RP1: variants seen among roughly 807,000 people sequenced by gnomAD.
The protein encoded by RP1 is RP1 axonemal microtubule associated, also known as oxygen-regulated protein 1.
RP1 carries 16 observed loss-of-function variants against 14.8 expected under a neutral mutation model. The observed-to-expected ratio is 1.08, with a 90% CI of 0.73 to 1.65. The LOEUF is 1.65. Ranked by LOEUF, RP1 falls within the 40% of genes most tolerant of loss-of-function variation. The pLI, the probability that RP1 is intolerant of heterozygous loss-of-function variation, is 0.00. For missense variants in RP1, 2,631 were observed against 2,535.0 expected (o/e 1.04, Z -0.81); for synonymous variants, 876 against 883.6 (o/e 0.99, Z 0.15).
intron 1 of RP1, among the ~76,000 whole-genome samples, chr8:54,607,483 CG>C (rs1805480441): frequency 6.6e-6 from 1 of 152,152 alleles, no homozygotes; most frequent in Admixed American, 6.5e-5. Context: ...TTAGGCTACT[CG>C]GGGGTCAGGG....
intron 24 of RP1, among the ~76,000 whole-genome samples, chr8:54,815,684 A>C (rs554457175): frequency 6.6e-5 from 10 of 152,152 alleles, no homozygotes; most frequent in African/African-American, 1.9e-4. Flanking sequence ...CAAAAACAGA[A>C]GTGTGTGTGT....
At chr8:54,652,789 G>A (rs1463275362) in exon 5 of RP1, 19 of 1,535,166 alleles carry the variant, frequency 1.2e-5, no homozygotes, top group South Asian at 2.4e-5. Flanking sequence ...GATAACAGTT[G>A]GAGACATTGG....
chr8:54,826,812 C>A (rs1563388442), intron 24 of RP1, among the ~76,000 whole-genome samples: 1 of 152,120 alleles, frequency 6.6e-6, no homozygotes, highest in Non-Finnish European at 1.5e-5. Flanking sequence ...ATGGGGATAC[C>A]TTTGACAAAT....
rs1805846805 is a variant in RP1, at chr8:54,621,055, C to T, written c.89C>T (p.Thr30Ile). The change falls in exon 2 of 4, where the codon ACT (threonine) becomes ATT (isoleucine). Residue 30 changes from threonine to isoleucine, a missense_variant. Thr to Ile is a moderately conservative substitution (Grantham distance 89). Transcript: ENST00000220676. The part of the protein sequence containing the change: ...QVPPPRHLSL[T>I]HPVVAKRISF... ...CCACCCCCTCGCCATTTGAGCCTCA[C>T]TCATCCTGTTGTGGCCAAGCGAATC... is the stretch of plus-strand genomic sequence containing the variant. 6.2e-7 allele frequency: 1 copy of T among 1,614,190 alleles called. No individual in the cohort carries two copies. The highest frequency in any genetic ancestry group is 8.5e-7 in the Non-Finnish European group (1 of 1,180,042).
intron 17 of RP1, among the ~76,000 whole-genome samples, chr8:54,727,068 T>A (rs957790408): frequency 3.9e-5 from 6 of 152,092 alleles, no homozygotes; most frequent in African/African-American, 1.4e-4. Flanking sequence ...ACCATTTTTT[T>A]AAAACCCGTC....
chr8:54,751,911 T>A (rs1431829797), intron 19 of RP1, among the ~76,000 whole-genome samples: 1 of 152,172 alleles, frequency 6.6e-6, no homozygotes, highest in African/African-American at 2.4e-5. Context: ...GTTCGTGGGG[T>A]TGCACTTAAG....
In RP1 at chr8:54,758,848, T is replaced by A. The variant is rs1274621594; in HGVS notation, c.3094-74T>A. 5.5e-6 allele frequency: 8 copies of A among 1,444,408 alleles called. No homozygotes were observed. In the East Asian group the frequency reaches 2.0e-4, roughly 36 times the overall value. The allele number at this position is 1,444,408 out of a possible 1,614,324, so 89.5% of individuals were successfully genotyped here. A position where few individuals can be genotyped will look rare whatever the true frequency, so the allele number is the denominator to read the frequency against. On this transcript the variant is annotated intron_variant, in intron 21 of 22. Coordinates refer to the RP1 transcript ENST00000636932. ...CTGCTTCTGGCAGTCGTTTAACTAT[T>A]ATTATTGCCTGCATTTGTCATGCCT...
At chr8:54,764,190 G>A (rs556061639) in intron 22 of RP1, among the ~76,000 whole-genome samples, 1 of 152,176 alleles carries the variant, frequency 6.6e-6, no homozygotes, top group African/African-American at 2.4e-5. Flanking sequence ...CAAACTAAAG[G>A]CCTTCTTTTC....
intron 22 of RP1, chr8:54,759,101 C>A: frequency 6.6e-7 from 1 of 1,514,700 alleles, no homozygotes; most frequent in South Asian, 1.2e-5. Flanking sequence ...CAAGATACTT[C>A]AAAAGAGTAT....
rs570542132 is a variant in RP1 at position 54,637,871 on chromosome 8, G to C, written c.788-11114G>C. The stretch of plus-strand genomic sequence containing the variant: ...TGAACTCTTCCCCAGGGCTGACTCT[G>C]TCAGCATAAAAGTGCACATCTATTC... On this transcript the variant is annotated intron_variant, in intron 3 of 22. Transcript: ENST00000636932. Among the ~76,000 whole-genome samples the C allele has an allele frequency of 2.6e-5, 4 of 152,276 alleles. No individual in the cohort carries two copies. The East Asian group carries it at 7.7e-4, about 29-fold the overall frequency.
chr8:54,845,893 C>T (rs1220635360), intron 25 of RP1, among the ~76,000 whole-genome samples: 2 of 152,302 alleles, frequency 1.3e-5, no homozygotes, highest in Admixed American at 6.5e-5. Flanking sequence ...GCCCTTCCTC[C>T]TGAAACATCT....
intron 21 of RP1, chr8:54,758,906 CTG>C (rs1809570491): frequency 6.5e-7 from 1 of 1,531,876 alleles, no homozygotes; most frequent in Non-Finnish European, 8.7e-7. Flanking sequence ...GTTTTTTTCT[CTG>C]TCTCCTGCAC....
chr8:54,707,789 A>G (rs766783564), intron 15 of RP1, among the ~76,000 whole-genome samples: 23 of 152,208 alleles, frequency 1.5e-4, no homozygotes, highest in Non-Finnish European at 2.9e-4. Context: ...GATGCTCACA[A>G]TGCAAAGGCG....
chr8:54,654,550 A>G (rs1806716892), intron 5 of RP1, among the ~76,000 whole-genome samples: 1 of 152,214 alleles, frequency 6.6e-6, no homozygotes, highest in Non-Finnish European at 1.5e-5. Flanking sequence ...AAGTGACATT[A>G]CATTGTATCA....
At chr8:54,778,272 G>T (rs1232859653) in intron 23 of RP1, among the ~76,000 whole-genome samples, 1 of 151,806 alleles carries the variant, frequency 6.6e-6, no homozygotes, top group African/African-American at 2.4e-5. Flanking sequence ...TGAGAGGGAG[G>T]GTGGTTCATT....
rs114024132 is a variant in RP1, at chr8:54,561,492, T to C, written c.-13+2172T>C. On this transcript the variant is annotated intron_variant, in intron 1 of 22. Transcript: ENST00000636932. The stretch of plus-strand genomic sequence containing the variant: ...AAAACAGCACCCTTAGAAACTTGTA[T>C]ACACAATCAAGACCTGGGCATTACC... Among the ~76,000 whole-genome samples the C allele has an allele frequency of 5.7e-3, 822 of 145,038 alleles. 10 individuals carry two copies. Among genetic ancestry groups the C allele is most frequent in the African/African-American group, 0.02 (789 of 39,538 alleles).
At chr8:54,818,076 C>T (rs770670319) in intron 24 of RP1, among the ~76,000 whole-genome samples, 4 of 152,304 alleles carry the variant, frequency 2.6e-5, no homozygotes, top group East Asian at 1.9e-4. Flanking sequence ...AAATCTTCAA[C>T]GCTTTTTAAA....
rs1806032708 is a variant in RP1, at chr8:54,625,959, A to G, written c.2077A>G (p.Lys693Glu). ...GTATCAAGATGGACAGCTTGCAACC[A>G]AAGGAATTCTTAATAAGAATGAGAG... ...SRYQDGQLAT[K>E]GILNKNERIN... The change falls in exon 4 of 4, where the codon AAA becomes GAA. Residue 693 changes from lysine to glutamate, a missense_variant. Physicochemically the swap from Lys to Glu is moderately conservative, Grantham distance 56 (BLOSUM62 1). Transcript: ENST00000220676. The G allele has an allele frequency of 6.2e-7, 1 of 1,613,864 alleles. No individual in the cohort carries two copies. Among genetic ancestry groups the G allele is most frequent in the African/African-American group, 1.3e-5 (1 of 74,918 alleles).
intron 17 of RP1, among the ~76,000 whole-genome samples, chr8:54,731,217 A>C (rs995185546): frequency 2.6e-5 from 4 of 152,158 alleles, no homozygotes; most frequent in Non-Finnish European, 5.9e-5. Context: ...TAGCAGCAAC[A>C]CAAAGTAGAT....
Sources: allele counts gnomAD v4.1 joint callset (sites outside exome capture counted in the v4.1 genomes callset), GRCh38; gene constraint gnomAD v4.1.1; transcripts MANE v1.5; gene names NCBI Gene and HGNC (gene_info 2026-07-23, HGNC 2026-07-21).